Variants in CAST observed in about 807,000 individuals in gnomAD.
CAST encodes MIR583 host.
CAST carries 76 observed loss-of-function variants against 119.6 expected under a neutral mutation model. The ratio of observed to expected loss-of-function variants is 0.64; its 90% CI spans 0.53 to 0.77. The LOEUF (loss-of-function observed/expected upper bound fraction) is 0.77. Ranked by LOEUF, CAST falls within the 30% of genes least tolerant of loss-of-function variation. The pLI is 0.00. For missense variants in CAST, 953 were observed against 946.5 expected (o/e 1.01, Z -0.09); for synonymous variants, 319 against 331.6 (o/e 0.96, Z 0.41).
the CAST span, among the ~76,000 whole-genome samples, chr5:95,971,635 C>T: frequency 6.6e-6 from 1 of 152,210 alleles, no homozygotes; most frequent in East Asian, 1.9e-4. Flanking sequence ...TAACCCCTAA[C>T]AACTACTGAT....
At chr5:96,556,606 T>C (rs1746245781) in intron 1 of CAST, among the ~76,000 whole-genome samples, 2 of 152,078 alleles carry the variant, frequency 1.3e-5, no homozygotes, top group Non-Finnish European at 2.9e-5. Context: ...AGAAAGGGTA[T>C]CAGTGATGGA....
the CAST span, among the ~76,000 whole-genome samples, chr5:96,341,312 C>G: frequency 1.3e-5 from 2 of 151,766 alleles, no homozygotes; most frequent in Non-Finnish European, 2.9e-5. Flanking sequence ...CCTTTCATTC[C>G]TGCCCACTCC....
the CAST span, among the ~76,000 whole-genome samples, chr5:96,063,633 C>T: frequency 3.3e-5 from 5 of 152,240 alleles, no homozygotes; most frequent in African/African-American, 7.2e-5. Context: ...ACTCTTTACA[C>T]GCAGACACAC....
At chr5:96,676,625 G>A (rs1485951772) in intron 2 of CAST, among the ~76,000 whole-genome samples, 1 of 151,662 alleles carries the variant, frequency 6.6e-6, no homozygotes, top group Non-Finnish European at 1.5e-5. Context: ...AGCCATGAAA[G>A]GCAAATGTTT....
the CAST span, among the ~76,000 whole-genome samples, chr5:96,281,399 G>A: frequency 2.0e-5 from 3 of 152,184 alleles, no homozygotes; most frequent in African/African-American, 7.2e-5. Context: ...CAGTGTCTCT[G>A]TGTGTGGTGA....
chr5:96,355,491 G>A, the CAST span, among the ~76,000 whole-genome samples: 3,486 of 152,150 alleles, frequency 0.023, 140 homozygotes, highest in African/African-American at 0.079. Context: ...ATAAACATAC[G>A]TGTGCATGTG....
chr5:96,599,966 C>CAA (rs74978713), intron 1 of CAST, among the ~76,000 whole-genome samples: 16 of 47,206 alleles, frequency 3.4e-4, no homozygotes, highest in South Asian at 2.5e-3. Context: ...CTTCATTAGG[C>CAA]AAAAAAAAAA....
the CAST span, among the ~76,000 whole-genome samples, chr5:96,299,189 G>C: frequency 6.6e-6 from 1 of 151,922 alleles, no homozygotes; most frequent in African/African-American, 2.4e-5. Context: ...AGGTTGTAGT[G>C]AGCCAAGATC....
the CAST span, among the ~76,000 whole-genome samples, chr5:96,266,394 A>G: frequency 6.6e-6 from 1 of 152,188 alleles, no homozygotes; most frequent in African/African-American, 2.4e-5. Context: ...GAGTAACTGA[A>G]TAAAGAAATA....
intron 1 of CAST, among the ~76,000 whole-genome samples, chr5:96,623,714 A>T (rs1747663923): frequency 6.6e-6 from 1 of 152,006 alleles, no homozygotes; most frequent in Non-Finnish European, 1.5e-5. Flanking sequence ...AATTTTGTTA[A>T]TTTCTTTTTC....
intron 2 of CAST, among the ~76,000 whole-genome samples, chr5:96,684,924 A>G (rs1459517156): frequency 4.6e-5 from 7 of 152,036 alleles, no homozygotes; most frequent in Non-Finnish European, 1.0e-4. Flanking sequence ...TGTACTTTTT[A>G]AAAAGAATAT....
intron 3 of CAST, among the ~76,000 whole-genome samples, chr5:96,701,502 T>G (rs1372562551): frequency 6.6e-6 from 1 of 152,112 alleles, no homozygotes; most frequent in African/African-American, 2.4e-5. Context: ...ATATATAAGC[T>G]ATATATCAAG....
chr5:96,771,839 A>G, intron 31 of CAST, 137 bp downstream of exon 31: 1 of 521,042 alleles, frequency 1.9e-6, no homozygotes, highest in Non-Finnish European at 3.5e-6. Context: ...GCATACTGCA[A>G]GATCTACAGA....
the CAST span, among the ~76,000 whole-genome samples, chr5:96,083,897 A>G: frequency 6.6e-6 from 1 of 152,202 alleles, no homozygotes; most frequent in African/African-American, 2.4e-5. Flanking sequence ...GACTACTTGC[A>G]TTACTACTTG....
intron 1 of CAST, among the ~76,000 whole-genome samples, chr5:96,579,642 A>T (rs1367524424): frequency 1.3e-5 from 2 of 152,066 alleles, no homozygotes; most frequent in African/African-American, 4.8e-5. Context: ...ATTCCTCCTG[A>T]CTAGTGTCCC....
chr5:96,095,214 G>T, the CAST span, among the ~76,000 whole-genome samples: 3 of 152,136 alleles, frequency 2.0e-5, no homozygotes, highest in Non-Finnish European at 4.4e-5. Context: ...ACTTGGTGTG[G>T]TTTGCTGTTT....
chr5:95,999,100 A>G, the CAST span, among the ~76,000 whole-genome samples: 3 of 151,830 alleles, frequency 2.0e-5, no homozygotes, highest in African/African-American at 7.3e-5. Context: ...GAACATTTTT[A>G]TTCTCCCAGT....
intron 1 of CAST, among the ~76,000 whole-genome samples, chr5:96,633,570 A>G (rs560428356): frequency 6.6e-6 from 1 of 152,200 alleles, no homozygotes; most frequent in Admixed American, 6.5e-5. Context: ...AGAATTGACA[A>G]CTCCATTCAA....
Position 96,569,328 on chromosome 5 carries a change from A to T in CAST, c.60+39448A>T, listed in dbSNP as rs187199497. Among the ~76,000 whole-genome samples, 19 of 152,334 alleles carry T rather than the reference A, an allele frequency of 1.2e-4. 1 individual carries two copies. Among genetic ancestry groups the T allele is most frequent in the African/African-American group, 4.6e-4 (19 of 41,584 alleles). Reference sequence around the variant, plus strand: ...GGGAAGCATTCATGATGAAAAGTCAAACTGACCTAGGTTCAAATTCTGGCT... The same window carrying T: ...GGGAAGCATTCATGATGAAAAGTCATACTGACCTAGGTTCAAATTCTGGCT... On this transcript the variant is annotated intron_variant, in intron 1 of 11. Transcript: ENST00000505143.
Sources: gnomAD v4.1 joint callset for allele counts (sites outside exome capture counted in the v4.1 genomes callset) on GRCh38, gnomAD v4.1.1 for gene constraint, MANE v1.5 for transcripts, NCBI Gene and HGNC (gene_info 2026-07-23, HGNC 2026-07-21) for gene names.